ADGRL2: variants seen among roughly 807,000 people sequenced by gnomAD.
ADGRL2 encodes adhesion G protein-coupled receptor L2, also known as calcium-independent alpha-latrotoxin receptor 2.
Under a neutral mutation model 157.4 loss-of-function variants are expected in ADGRL2, and 44 were observed. The observed-to-expected ratio is 0.28, with a 90% confidence interval of 0.22 to 0.36. The LOEUF is 0.36. ADGRL2 is among the 10% of genes least tolerant of loss of function. The pLI is 1.00. For synonymous variants in ADGRL2, 585 were observed against 624.7 expected (o/e 0.94, Z 0.95); for missense variants, 1,510 against 1,768.9 (o/e 0.85, Z 2.63).
At chr1:81,320,606 G>A (rs1197567812) in intron 1 of ADGRL2, among the ~76,000 whole-genome samples, 1 of 152,196 alleles carries the variant, frequency 6.6e-6, no homozygotes, top group Non-Finnish European at 1.5e-5. Context: ...CTTCATCAGA[G>A]CTCTCAGCTG....
At chr1:81,971,181 CT>C (rs1301304703) in intron 16 of ADGRL2, among the ~76,000 whole-genome samples, 2 of 151,930 alleles carry the variant, frequency 1.3e-5, no homozygotes, top group Non-Finnish European at 2.9e-5. Flanking sequence ...ATTCTTTGGA[CT>C]AAAGAAAGCT....
intron 3 of ADGRL2, among the ~76,000 whole-genome samples, chr1:81,619,789 T>C (rs2081749699): frequency 6.6e-6 from 1 of 151,842 alleles, no homozygotes; most frequent in African/African-American, 2.4e-5. Context: ...ATCCTCATAA[T>C]ACCAGGTTAG....
At chr1:81,359,967 A>G (rs1010128772) in intron 1 of ADGRL2, among the ~76,000 whole-genome samples, 1 of 152,056 alleles carries the variant, frequency 6.6e-6, no homozygotes, top group Admixed American at 6.6e-5. Context: ...CTGCTATAAT[A>G]GACAATAATC....
At chr1:81,520,917 A>G (rs2079298749) in intron 2 of ADGRL2, among the ~76,000 whole-genome samples, 1 of 152,192 alleles carries the variant, frequency 6.6e-6, no homozygotes, top group South Asian at 2.1e-4. Flanking sequence ...TGTGCCCACC[A>G]CAGGGACCAA....
At position 81,788,494 on chromosome 1, in the gene ADGRL2, CAG is replaced by C. The variant is rs377022140; in HGVS notation, c.-101+26643_-101+26644del. ...TGAGGCCCTCAGCAGAAACAGATGC[CAG>C]CATCAAGCTTCCTGTACAATCTGAA... On this transcript the variant is annotated intron_variant, in intron 2 of 20. Coordinates refer to the ADGRL2 transcript ENST00000359929. 2.6e-5 allele frequency among the ~76,000 whole-genome samples: 4 copies of C among 152,282 alleles called. No individual in the cohort carries two copies. In the East Asian group the frequency reaches 7.7e-4, roughly 29 times the overall value.
chr1:81,528,083 G>C (rs1358382413), intron 2 of ADGRL2, among the ~76,000 whole-genome samples: 1 of 152,070 alleles, frequency 6.6e-6, no homozygotes, highest in Admixed American at 6.6e-5. Context: ...AAAAGAAAAG[G>C]AAAAAGATAT....
At chr1:81,622,408 C>G (rs2081813942) in intron 3 of ADGRL2, among the ~76,000 whole-genome samples, 1 of 151,978 alleles carries the variant, frequency 6.6e-6, no homozygotes. Context: ...TGGTGAAACC[C>G]TGTCTCTACT....
Position 81,800,939 on chromosome 1 carries a change from T to A in ADGRL2, c.-230T>A, listed in dbSNP as rs1379746088. Reference sequence around the variant, plus strand: ...GCCTCCGGGGCGCGTTCCACGGCCGTGCGCGCGCGTCCCTCGCCGCCACCG... The same window carrying A: ...GCCTCCGGGGCGCGTTCCACGGCCGAGCGCGCGCGTCCCTCGCCGCCACCG... On this transcript the variant is annotated 5_prime_UTR_variant, in exon 1 of 24. Transcript: ENST00000686636. Among the ~76,000 whole-genome samples, 2 of 148,862 alleles carry A rather than the reference T, an allele frequency of 1.3e-5. No individual in the cohort carries two copies. Among genetic ancestry groups the A allele is most frequent in the East Asian group, 2.0e-4 (1 of 5,026 alleles).
At chr1:81,921,699 T>A (rs2094983179) in intron 3 of ADGRL2, among the ~76,000 whole-genome samples, 1 of 152,214 alleles carries the variant, frequency 6.6e-6, no homozygotes, top group Admixed American at 6.6e-5. Flanking sequence ...AGAAGTATAA[T>A]ATGAGGATAG....
intron 1 of ADGRL2, among the ~76,000 whole-genome samples, chr1:81,333,440 G>T (rs964065731): frequency 1.3e-5 from 2 of 151,718 alleles, no homozygotes; most frequent in Non-Finnish European, 2.9e-5. Flanking sequence ...TTTTGAGACG[G>T]AGTCTCACTC....
chr1:81,441,399 T>C (rs1392892992), intron 1 of ADGRL2, among the ~76,000 whole-genome samples: 1 of 152,208 alleles, frequency 6.6e-6, no homozygotes, highest in Admixed American at 6.5e-5. Flanking sequence ...GTGTTCCTAA[T>C]CAATTACCTA....
Position 81,906,935 on chromosome 1 carries a change from C to T in ADGRL2, c.74-82C>T, listed in dbSNP as rs188800668. The T allele has an allele frequency of 2.8e-4, 304 of 1,101,574 alleles. 1 individual carries two copies. The highest frequency in any genetic ancestry group is 4.9e-4 in the Admixed American group (24 of 48,646). The allele number at this position is 1,101,574 out of a possible 1,614,324, so 68.2% of individuals were successfully genotyped here. A position where few individuals can be genotyped will look rare whatever the true frequency, so the allele number is the denominator to read the frequency against. On this transcript the variant is annotated intron_variant, in intron 2 of 23. Coordinates refer to ENST00000686636, the MANE Select transcript of ADGRL2 (RefSeq NM_001366006.2). ...ACATCTCTTGACGATAGACATGAAT[C>T]ATATTACTTGAAAATGCTTTACTAA...
rs2075958364 is a variant in ADGRL2 at position 81,360,468 on chromosome 1, T to G, written c.-302+53959T>G. ...TTTCTGAAAAAAATAATGTGTATGC[T>G]CCTGGAACAGAGATTGTATGTTACT... On this transcript the variant is annotated intron_variant, in intron 1 of 24. Coordinates refer to the ADGRL2 transcript ENST00000370721. Among the ~76,000 whole-genome samples, 4 of 152,032 alleles carry G rather than the reference T, an allele frequency of 2.6e-5. No individual in the cohort carries two copies. In the South Asian group the frequency reaches 8.3e-4, roughly 31 times the overall value.
chr1:81,356,730 GA>G (rs1663318086), intron 1 of ADGRL2, among the ~76,000 whole-genome samples: 1 of 151,616 alleles, frequency 6.6e-6, no homozygotes, highest in Admixed American at 6.6e-5. Context: ...GAGGTGGGTG[GA>G]TCCCGAGGTC....
At chr1:81,859,439 C>G (rs2093321040) in intron 2 of ADGRL2, among the ~76,000 whole-genome samples, 1 of 135,918 alleles carries the variant, frequency 7.4e-6, no homozygotes, top group African/African-American at 2.8e-5. Flanking sequence ...CAGGGTCTTG[C>G]TCTGTGGCCC....
intron 2 of ADGRL2, among the ~76,000 whole-genome samples, chr1:81,505,495 C>T (rs897230466): frequency 2.0e-5 from 3 of 150,644 alleles, no homozygotes; most frequent in South Asian, 2.1e-4. Flanking sequence ...CTGGCCACAC[C>T]GTTGGAGTGA....
At chr1:81,767,819 C>T (rs548981248) in intron 2 of ADGRL2, among the ~76,000 whole-genome samples, 1 of 138,428 alleles carries the variant, frequency 7.2e-6, no homozygotes, top group East Asian at 2.4e-4. Flanking sequence ...GATCATACCA[C>T]TTAACTTTAG....
intron 1 of ADGRL2, among the ~76,000 whole-genome samples, chr1:81,717,133 C>T (rs1406026196): frequency 1.3e-5 from 2 of 152,194 alleles, no homozygotes; most frequent in African/African-American, 2.4e-5. Flanking sequence ...GGCTGTTTCT[C>T]TAAATTATCA....
At chr1:81,465,333 T>C (rs2078030580) in intron 2 of ADGRL2, among the ~76,000 whole-genome samples, 1 of 152,172 alleles carries the variant, frequency 6.6e-6, no homozygotes. Flanking sequence ...ATAAATTAGA[T>C]ATCAGAAATT....
Sources: allele counts gnomAD v4.1 joint callset (sites outside exome capture counted in the v4.1 genomes callset), GRCh38; gene constraint gnomAD v4.1.1; transcripts MANE v1.5; gene names NCBI Gene and HGNC (gene_info 2026-07-23, HGNC 2026-07-21).